DYNC1H1: variants seen among roughly 807,000 people sequenced by gnomAD.
DYNC1H1 encodes cytoplasmic dynein 1 heavy chain 1.
A neutral mutation model predicts 527.1 loss-of-function variants in DYNC1H1; 51 were observed. The ratio of observed to expected loss-of-function variants is 0.10; its 90% CI spans 0.08 to 0.12. The LOEUF is 0.12. Among genes scored for constraint, DYNC1H1 ranks in the 10% least tolerant of loss-of-function variants. DYNC1H1 has a pLI of 1.00. For synonymous variants in DYNC1H1, 2,189 were observed against 2,278.8 expected (o/e 0.96, Z 1.12); for missense variants, 2,771 against 5,971.8 (o/e 0.46, Z 17.66).
chr14:101,979,222 A>G lies in DYNC1H1; in HGVS notation c.345-97A>G, dbSNP rs187720675. The G allele has an allele frequency of 1.1e-4, 137 of 1,244,830 alleles. No individual in the cohort carries two copies. The East Asian group carries it at 3.1e-3, about 28-fold the overall frequency. 77.1% of individuals were successfully genotyped at this position (1,244,830 alleles called of 1,614,324 possible). A position where few individuals can be genotyped will look rare whatever the true frequency, so the allele number is the denominator to read the frequency against. ...ACAAGCAGTGCATTTCACTATTAGAAAAGCAACACTTCAGTATATTCTTGT... is the reference window on the plus strand; with the variant it reads ...ACAAGCAGTGCATTTCACTATTAGAGAAGCAACACTTCAGTATATTCTTGT... On this transcript the variant is annotated intron_variant, in intron 2 of 77. Coordinates refer to ENST00000360184, the MANE Select transcript of DYNC1H1 (RefSeq NM_001376.5). The surrounding 1 kb of genome is among the most constrained non-coding windows in gnomAD (Gnocchi z 4.6).
In DYNC1H1 at chr14:102,001,076, G is replaced by C. The variant is rs201287922; in HGVS notation, c.4185+12G>C. 1.9e-6 allele frequency: 3 copies of C among 1,614,106 alleles called. No homozygotes were observed. The East Asian group carries it at 6.7e-5, about 36-fold the overall frequency. ...AAGGTTACATGAAGGTAGGTGGCCA[G>C]TATCGCACGGTGATGAGTGTCCATT... On this transcript the variant is annotated intron_variant, in intron 19 of 77. Transcript: ENST00000360184. The surrounding 1 kb of genome is among the most constrained non-coding windows in gnomAD (Gnocchi z 5.0).
rs768800036 is a variant in DYNC1H1 at position 102,002,904 on chromosome 14, C to T, written c.4822C>T (p.Leu1608=). 1 of 1,614,064 alleles carries T rather than the reference C, an allele frequency of 6.2e-7. No homozygotes were observed. Among genetic ancestry groups the T allele is most frequent in the African/African-American group, 1.3e-5 (1 of 74,932 alleles). ...QRSLERLADL[L]GKIQKALGEY... is the part of the protein sequence containing the mutation. ...GTCTCTGGAAAGATTGGCAGACCTG[C>T]TAGGAAAGATCCAGAAAGCATTGGG... The change falls in exon 23 of 78, where the codon CTA becomes TTA. Residue 1608 remains leucine (L), a synonymous_variant. Coordinates refer to ENST00000360184, the MANE Select transcript of DYNC1H1 (RefSeq NM_001376.5). This position sits in a 1 kb window ranked among gnomAD's most constrained non-coding sequence, Gnocchi z 4.4.
In DYNC1H1 at chr14:102,029,725, C is replaced by T. The variant is rs760557941; in HGVS notation, c.9642+13C>T. The T allele has an allele frequency of 3.1e-6, 5 of 1,614,056 alleles. No individual in the cohort carries two copies. The highest frequency in any genetic ancestry group is 4.5e-5 in the East Asian group (2 of 44,894). On this transcript the variant is annotated intron_variant, in intron 49 of 77. Coordinates refer to ENST00000360184, the MANE Select transcript of DYNC1H1 (RefSeq NM_001376.5). This position sits in a 1 kb window ranked among gnomAD's most constrained non-coding sequence, Gnocchi z 5.3. ...GACAGTCGACCAGGTGCGTCACAGG[C>T]ACAAATTCCTCACGGGAGTGAGCTG...
chr14:101,989,112 T>C (rs980344303), intron 10 of DYNC1H1, among the ~76,000 whole-genome samples: 1 of 152,194 alleles, frequency 6.6e-6, no homozygotes, highest in Non-Finnish European at 1.5e-5. Flanking sequence ...TGGAGAAAGC[T>C]GGTGGAGGAT....
In DYNC1H1 at chr14:102,040,345, G is replaced by T. The variant is rs778010675; in HGVS notation, c.11800G>T (p.Ala3934Ser). The part of the protein sequence containing the change: ...IQGLTVEQAE[A>S]VVRLSCLPAF... ...GGGCCTGACTGTGGAGCAGGCGGAG[G>T]CGGTGGTGAGGCTGAGCTGCCTTCC... Residue 3934 changes from alanine (A) to serine (S), a missense_variant, in exon 63 of 78, where the codon GCG becomes TCG. Around this residue, in one of 32 missense-constraint regions of DYNC1H1, gnomAD observed 120 missense variants for 161.9 expected, o/e 0.74. Coordinates refer to ENST00000360184, the MANE Select transcript of DYNC1H1 (RefSeq NM_001376.5). 1 of 1,614,230 alleles carries T rather than the reference G, an allele frequency of 6.2e-7. No homozygotes were observed. Among genetic ancestry groups the T allele is most frequent in the East Asian group, 2.2e-5 (1 of 44,886 alleles).
intron 72 of DYNC1H1, 196 bp from the exon 73 acceptor site, chr14:102,047,621 G>A (rs1353986326): frequency 4.2e-5 from 11 of 259,736 alleles, no homozygotes; most frequent in Admixed American, 1.1e-4. Context: ...ATATATACAC[G>A]TGTGTGTGTG....
chr14:101,999,557 G>A (rs1375442234), intron 16 of DYNC1H1, among the ~76,000 whole-genome samples: 1 of 152,248 alleles, frequency 6.6e-6, no homozygotes, highest in African/African-American at 2.4e-5. Flanking sequence ...TAATGCTGAA[G>A]TAGAGTCTGT....
In DYNC1H1 at chr14:101,986,505, C is replaced by A. The variant is rs745880198; in HGVS notation, c.2280C>A (p.Val760=). The stretch of plus-strand genomic sequence containing the variant: ...ACCTCAAATGGCTTGGTTTCCGCGT[C>A]CCACTGGCGATTGTGAACAAAGCCC... The part of the protein sequence containing the change: ...VRNLKWLGFR[V]PLAIVNKAHQ... Residue 760 remains valine (V), a synonymous_variant, in exon 8 of 78, where the codon GTC becomes GTA. Coordinates refer to ENST00000360184, the MANE Select transcript of DYNC1H1 (RefSeq NM_001376.5). The surrounding 1 kb of genome is among the most constrained non-coding windows in gnomAD (Gnocchi z 8.7). 3 of 1,614,148 alleles carry A rather than the reference C, an allele frequency of 1.9e-6. No individual in the cohort carries two copies. The East Asian group carries it at 6.7e-5, about 36-fold the overall frequency.
chr14:101,994,747 C>A lies in DYNC1H1; in HGVS notation c.3231C>A (p.Asn1077Lys). 6.2e-7 allele frequency: 1 copy of A among 1,614,196 alleles called. No homozygotes were observed. The highest frequency in any genetic ancestry group is 8.5e-7 in the Non-Finnish European group (1 of 1,180,048). Reference sequence around the variant, plus strand: ...ATAACAGACTTGGAGAAGATCTCAACAAATGGCAGGCTCTCCTGGTCCAAA... The same window carrying A: ...ATAACAGACTTGGAGAAGATCTCAAAAAATGGCAGGCTCTCCTGGTCCAAA... ...NIYNRLGEDL[N>K]KWQALLVQIR... is the part of the protein sequence containing the mutation. Residue 1077 changes from asparagine to lysine, a missense_variant, in exon 13 of 78, where the codon AAC (asparagine) becomes AAA (lysine). This residue lies in a region of DYNC1H1 where 179 missense variants were observed against 349.4 expected (regional missense o/e 0.51). Coordinates refer to ENST00000360184, the MANE Select transcript of DYNC1H1 (RefSeq NM_001376.5).
At chr14:101,991,307 T>C (rs537861331) in intron 10 of DYNC1H1, among the ~76,000 whole-genome samples, 29 of 152,258 alleles carry the variant, frequency 1.9e-4, no homozygotes, top group Admixed American at 1.6e-3. Context: ...AACCCGTCTC[T>C]ACTAAAAATA....
chr14:101,988,190 A>G (rs1482947028), intron 9 of DYNC1H1, among the ~76,000 whole-genome samples: 1 of 152,158 alleles, frequency 6.6e-6, no homozygotes, highest in African/African-American at 2.4e-5. Context: ...TGGATATTTG[A>G]TAACTTCCTA....
chr14:102,040,049 A>C (rs1322574319), intron 62 of DYNC1H1, among the ~76,000 whole-genome samples, 187 bp from the exon 63 acceptor site: 1 of 152,026 alleles, frequency 6.6e-6, no homozygotes, highest in Non-Finnish European at 1.5e-5. Context: ...TCATGTTGGC[A>C]GCCCAGCCTG....
In DYNC1H1 at chr14:101,978,373, A is replaced by G. The variant is rs1370819443; in HGVS notation, c.345-946A>G. ...TCTTTAGTAGAGATGTGGTTTCGCC[A>G]TGTTGGCCAGGCTGGTCTCGAACTC... On this transcript the variant is annotated intron_variant, in intron 2 of 77. Transcript: ENST00000360184. 2.6e-5 allele frequency among the ~76,000 whole-genome samples: 4 copies of G among 152,276 alleles called. No individual in the cohort carries two copies. In the East Asian group the frequency reaches 7.7e-4, roughly 29 times the overall value.
At chr14:101,981,403 G>C (rs1243416566) in intron 5 of DYNC1H1, among the ~76,000 whole-genome samples, 2 of 152,190 alleles carry the variant, frequency 1.3e-5, no homozygotes, top group Non-Finnish European at 2.9e-5. Context: ...GATTACAGGT[G>C]TGAGCTACCA....
intron 2 of DYNC1H1, among the ~76,000 whole-genome samples, chr14:101,977,666 T>C (rs190114706): frequency 3.3e-5 from 5 of 152,346 alleles, no homozygotes; most frequent in African/African-American, 1.2e-4. Context: ...CTTGTCACTC[T>C]AAATTCCTTT....
At position 102,029,179 on chromosome 14, in the gene DYNC1H1, C is replaced by T; in HGVS notation, c.9469-360C>T. 1 of 322,736 alleles carries T rather than the reference C, an allele frequency of 3.1e-6. No homozygotes were observed. Among genetic ancestry groups the T allele is most frequent in the Non-Finnish European group, 6.0e-6 (1 of 167,462 alleles). 20.0% of individuals were successfully genotyped at this position (322,736 alleles called of 1,614,324 possible). A position where few individuals can be genotyped will look rare whatever the true frequency, so the allele number is the denominator to read the frequency against. On this transcript the variant is annotated intron_variant, in intron 48 of 77. Transcript: ENST00000360184. This position sits in a 1 kb window ranked among gnomAD's most constrained non-coding sequence, Gnocchi z 5.3. Reference sequence around the variant, plus strand: ...AAATCAAGGGACCAGAGCAGTTTCTCACATCAGGCCTGCCTTGCCCCTTTC... The same window carrying T: ...AAATCAAGGGACCAGAGCAGTTTCTTACATCAGGCCTGCCTTGCCCCTTTC...
intron 16 of DYNC1H1, among the ~76,000 whole-genome samples, 176 bp from the exon 17 acceptor site, chr14:101,999,813 C>A (rs192068586): frequency 5.8e-4 from 88 of 152,324 alleles, no homozygotes; most frequent in Non-Finnish European, 1.2e-3. Context: ...AAATTAAATT[C>A]GCTACTGTAC....
chr14:101,995,610 CAAA>C (rs1298603384), intron 15 of DYNC1H1, among the ~76,000 whole-genome samples: 4 of 85,124 alleles, frequency 4.7e-5, no homozygotes, highest in Non-Finnish European at 2.5e-5. Context: ...GACTCCGTCT[CAAA>C]AAAAAAAAAA....
intron 43 of DYNC1H1, among the ~76,000 whole-genome samples, chr14:102,024,361 C>T (rs959514233): frequency 3.3e-5 from 5 of 152,186 alleles, no homozygotes; most frequent in African/African-American, 1.2e-4. Context: ...TGAGTAAGAG[C>T]TTCCTTTAGG....
Sources: allele counts gnomAD v4.1 joint callset (sites outside exome capture counted in the v4.1 genomes callset), GRCh38; gene constraint gnomAD v4.1.1; regional missense constraint gnomAD v4.1.1; non-coding constraint Gnocchi (gnomAD v3.1); transcripts MANE v1.5; gene names NCBI Gene and HGNC (gene_info 2026-07-23, HGNC 2026-07-21).